TTC21B: variants seen among roughly 807,000 people sequenced by gnomAD.
The protein encoded by TTC21B is tetratricopeptide repeat protein 21B.
In TTC21B, 127 loss-of-function variants were observed where a neutral mutation model predicts 175.1. That is an observed-to-expected ratio of 0.73 (90% confidence interval 0.63 to 0.84). The LOEUF (loss-of-function observed/expected upper bound fraction) is 0.84. Ranked by LOEUF, TTC21B falls within the 40% of genes least tolerant of loss-of-function variation. The pLI, the probability that TTC21B is intolerant of heterozygous loss-of-function variation, is 0.00. For missense variants in TTC21B, 1,561 were observed against 1,558.3 expected, an observed-to-expected ratio of 1.00 and a Z score of -0.03; for synonymous variants, 524 against 524.5, an observed-to-expected ratio of 1.00 and a Z score of 0.01.
intron 19 of TTC21B, among the ~76,000 whole-genome samples, chr2:165,906,446 A>G (rs887464181): frequency 3.9e-5 from 6 of 152,060 alleles, no homozygotes; most frequent in African/African-American, 1.4e-4. Flanking sequence ...GGTTTGTAAA[A>G]GGGACCTTTT....
At chr2:165,934,599 C>A in intron 6 of TTC21B, 2 of 25,484 alleles carry the variant, frequency 7.8e-5, no homozygotes, top group East Asian at 1.4e-3. Flanking sequence ...AGAATAGGCT[C>A]ACTTAAAAAA....
intron 18 of TTC21B, among the ~76,000 whole-genome samples, chr2:165,908,442 T>C (rs1685817089): frequency 6.6e-6 from 1 of 152,178 alleles, no homozygotes; most frequent in African/African-American, 2.4e-5. Context: ...GTAAGTTCTA[T>C]ATAAATATTT....
Position 165,949,583 on chromosome 2 carries a change from A to C in TTC21B, c.151+12T>G, listed in dbSNP as rs778992612. 18 of 1,613,720 alleles carry C rather than the reference A, an allele frequency of 1.1e-5. No homozygotes were observed. The highest frequency in any genetic ancestry group is 1.5e-5 in the Non-Finnish European group (18 of 1,179,872). Reference sequence around the variant, plus strand: ...TAAAACTGATGGAACATGTTTAATGATTAACACGTACCTTCCATTAATGTG... The same window carrying C: ...TAAAACTGATGGAACATGTTTAATGCTTAACACGTACCTTCCATTAATGTG... On this transcript the variant is annotated intron_variant, in intron 2 of 28. Coordinates refer to ENST00000243344, the MANE Select transcript of TTC21B (RefSeq NM_024753.5).
intron 13 of TTC21B, among the ~76,000 whole-genome samples, chr2:165,918,323 C>G (rs1371163532): frequency 6.6e-6 from 1 of 152,072 alleles, no homozygotes; most frequent in Non-Finnish European, 1.5e-5. Context: ...GAGATGGAGT[C>G]TCGCTCTGTT....
Position 165,943,242 on chromosome 2 carries a change from C to A in TTC21B, c.529G>T (p.Asp177Tyr), listed in dbSNP as rs535087339. Residue 177 changes from aspartate to tyrosine, a missense_variant, in exon 5 of 29, where the codon GAT (aspartate) becomes TAT (tyrosine). Asp to Tyr is a radical substitution (Grantham distance 160, BLOSUM62 -3). Transcript: ENST00000243344. ...ACCTTACCCAGCAGAGCAAAAGTAT[C>A]ATTCCCATCTTGGAGTCCCTCTTCA... ...YFEEGLQDGN[D>Y]TFALLGKAQC... The A allele has an allele frequency of 6.2e-7, 1 of 1,613,616 alleles. No homozygotes were observed. Among genetic ancestry groups the A allele is most frequent in the East Asian group, 2.2e-5 (1 of 44,856 alleles).
intron 27 of TTC21B, 99 bp downstream of exon 27, chr2:165,880,580 T>C: frequency 3.1e-6 from 4 of 1,277,360 alleles, no homozygotes; most frequent in Admixed American, 1.8e-5. Context: ...ATTGACTCAA[T>C]GTTTATTTTG....
intron 27 of TTC21B, among the ~76,000 whole-genome samples, chr2:165,876,789 G>A (rs1273914315): frequency 6.6e-6 from 1 of 152,204 alleles, no homozygotes; most frequent in African/African-American, 2.4e-5. Context: ...AGAGATGTCT[G>A]AAATCTGAAG....
Position 165,919,383 on chromosome 2 carries a change from G to A in TTC21B, c.1567C>T (p.Pro523Ser). The A allele has an allele frequency of 3.7e-6, 6 of 1,614,062 alleles. No homozygotes were observed. The highest frequency in any genetic ancestry group is 5.1e-6 in the Non-Finnish European group (6 of 1,179,998). Residue 523 changes from proline to serine, a missense_variant, in exon 13 of 29, where the codon CCC becomes TCC. By Grantham distance (74) the Pro-to-Ser change is moderately conservative. Transcript: ENST00000243344. ...AGCAGATGAGCATCAGCATAAGAGG[G>A]ATTGTGTTCTAAGCAGTGCTGAAGG... ...NNLQHCLEHN[P>S]SYADAHLLLA...
In TTC21B at chr2:165,911,342, G is replaced by C; in HGVS notation, c.2446C>G (p.Leu816Val). Residue 816 changes from leucine to valine, a missense_variant, in exon 18 of 29, where the codon CTG becomes GTG. Coordinates refer to ENST00000243344, the MANE Select transcript of TTC21B (RefSeq NM_024753.5). ...ACTTTCATACCAGGTTCATGAGCCAGAGCATGCTGAAGAACTTTTTCTGCT... is the reference window on the plus strand; with the variant it reads ...ACTTTCATACCAGGTTCATGAGCCACAGCATGCTGAAGAACTTTTTCTGCT... ...DKAEKVLQHA[L>V]AHEPVNELSA... 6.2e-7 allele frequency: 1 copy of C among 1,613,886 alleles called. No individual in the cohort carries two copies. The highest frequency in any genetic ancestry group is 8.5e-7 in the Non-Finnish European group (1 of 1,179,890).
intron 18 of TTC21B, among the ~76,000 whole-genome samples, chr2:165,909,673 A>G (rs1360933305): frequency 6.6e-6 from 1 of 152,216 alleles, no homozygotes; most frequent in African/African-American, 2.4e-5. Flanking sequence ...GCAAGATTCA[A>G]TTCTAGGAAG....
chr2:165,924,820 CT>C (rs1379324193), intron 11 of TTC21B, 142 bp from the exon 12 acceptor site: 13 of 862,364 alleles, frequency 1.5e-5, no homozygotes, highest in Non-Finnish European at 2.3e-5. Flanking sequence ...TTTGTAATAC[CT>C]TTATTATGAC....
intron 14 of TTC21B, among the ~76,000 whole-genome samples, chr2:165,916,708 A>G (rs1027324720): frequency 2.6e-5 from 4 of 152,186 alleles, no homozygotes; most frequent in Non-Finnish European, 4.4e-5. Flanking sequence ...GTTGTACATC[A>G]TGTTATTATG....
chr2:165,892,701 A>G (rs1276950563), intron 22 of TTC21B, among the ~76,000 whole-genome samples: 1 of 152,178 alleles, frequency 6.6e-6, no homozygotes, highest in African/African-American at 2.4e-5. Flanking sequence ...GATGGTTGCC[A>G]GGGGCTCCGG....
chr2:165,945,372 T>A, intron 4 of TTC21B, 152 bp downstream of exon 4: 1 of 716,848 alleles, frequency 1.4e-6, no homozygotes, highest in Non-Finnish European at 2.3e-6. Flanking sequence ...TTAACCATAT[T>A]GATAACCATA....
At chr2:165,894,511 T>C (rs1685296662) in intron 22 of TTC21B, among the ~76,000 whole-genome samples, 1 of 152,138 alleles carries the variant, frequency 6.6e-6, no homozygotes, top group Non-Finnish European at 1.5e-5. Context: ...GAATAAAGCA[T>C]ACAACACAAG....
At position 165,917,358 on chromosome 2, in the gene TTC21B, C is replaced by A. The variant is rs369672356; in HGVS notation, c.1798G>T (p.Ala600Ser). ...MSLPGMKRIGASTKSKDRKTE... is the reference protein window; with the variant it reads ...MSLPGMKRIGSSTKSKDRKTE... ...TTTCTGTCTTTTGATTTTGTGGAAG[C>A]TCCAATTCTTTTCATTCCTGGTAAA... is the stretch of plus-strand genomic sequence containing the variant. Residue 600 changes from alanine (A) to serine (S), a missense_variant, in exon 14 of 29, where the codon GCT becomes TCT. Physicochemically the swap from Ala to Ser is moderately conservative, Grantham distance 99. Coordinates refer to ENST00000243344, the MANE Select transcript of TTC21B (RefSeq NM_024753.5). 9.9e-6 allele frequency: 16 copies of A among 1,614,068 alleles called. No homozygotes were observed. In the African/African-American group the frequency reaches 2.1e-4, roughly 22 times the overall value.
chr2:165,924,460 C>A, intron 12 of TTC21B, 89 bp downstream of exon 12: 3 of 1,265,694 alleles, frequency 2.4e-6, no homozygotes, highest in Non-Finnish European at 3.4e-6. Context: ...TGTGACTATT[C>A]TCTATATATA....
chr2:165,942,738 G>T (rs754551694), intron 5 of TTC21B, among the ~76,000 whole-genome samples: 2 of 152,080 alleles, frequency 1.3e-5, no homozygotes, highest in African/African-American at 4.8e-5. Context: ...CACTTTCTCC[G>T]ACCACTTCAT....
At chr2:165,917,992 C>G (rs954771072) in intron 13 of TTC21B, among the ~76,000 whole-genome samples, 1 of 151,930 alleles carries the variant, frequency 6.6e-6, no homozygotes, top group East Asian at 1.9e-4. Flanking sequence ...TGGCTATCAA[C>G]AGTATATACA....
Sources: gnomAD v4.1 joint callset for allele counts (sites outside exome capture counted in the v4.1 genomes callset) on GRCh38, gnomAD v4.1.1 for gene constraint, MANE v1.5 for transcripts, NCBI Gene and HGNC (gene_info 2026-07-23, HGNC 2026-07-21) for gene names.